KIAA1328: variants seen among roughly 807,000 people sequenced by gnomAD.
KIAA1328 encodes protein hinderin.
KIAA1328 carries 52 observed loss-of-function variants against 68.1 expected under a neutral mutation model. That is an observed-to-expected ratio of 0.76 (90% CI 0.61 to 0.96). The LOEUF (loss-of-function observed/expected upper bound fraction) is 0.96, where lower values mean the gene tolerates loss of function less well. Ranked by LOEUF, KIAA1328 falls within the 40% of genes least tolerant of loss-of-function variation. KIAA1328 has a pLI of 0.00. For synonymous variants in KIAA1328, 232 were observed against 239.4 expected, an observed-to-expected ratio of 0.97 and a Z score of 0.28; for missense variants, 641 against 677.6, an observed-to-expected ratio of 0.95 and a Z score of 0.60.
chr18:36,956,651 A>G (rs1404887047), intron 5 of KIAA1328, among the ~76,000 whole-genome samples: 2 of 152,108 alleles, frequency 1.3e-5, no homozygotes, highest in Non-Finnish European at 2.9e-5. Flanking sequence ...TGTTTAAATG[A>G]ATTTGCCTAT....
intron 7 of KIAA1328, among the ~76,000 whole-genome samples, chr18:37,091,103 T>C (rs1466072019): frequency 1.3e-5 from 2 of 152,172 alleles, no homozygotes; most frequent in Non-Finnish European, 2.9e-5. Context: ...TATAAAACCT[T>C]CTGCAACTAA....
chr18:37,045,852 A>C (rs985484538), intron 6 of KIAA1328, among the ~76,000 whole-genome samples: 1 of 152,226 alleles, frequency 6.6e-6, no homozygotes, highest in Non-Finnish European at 1.5e-5. Flanking sequence ...ACTTTGTAGT[A>C]TAACACATGT....
At chr18:37,073,849 G>A (rs771286666) in intron 7 of KIAA1328, among the ~76,000 whole-genome samples, 8 of 152,042 alleles carry the variant, frequency 5.3e-5, no homozygotes, top group East Asian at 1.9e-4. Context: ...TAATACCAAC[G>A]TTTATGTGAT....
At chr18:36,999,900 G>A (rs183981704) in intron 6 of KIAA1328, among the ~76,000 whole-genome samples, 8 of 151,768 alleles carry the variant, frequency 5.3e-5, no homozygotes, top group South Asian at 2.1e-4. Flanking sequence ...TACCACCACC[G>A]AAATCCACCA....
At chr18:37,147,896 C>T (rs1185585310) in intron 7 of KIAA1328, among the ~76,000 whole-genome samples, 1 of 152,056 alleles carries the variant, frequency 6.6e-6, no homozygotes, top group Non-Finnish European at 1.5e-5. Flanking sequence ...CATACACAAA[C>T]CTAGCCTATT....
Position 37,000,199 on chromosome 18 carries a change from G to A in KIAA1328, c.576+40764G>A, listed in dbSNP as rs563771931. ...ACAAACAGAAACCAAAAGTGAGCAG[G>A]AGTGGCTATACTTGTATCAGATAAA... On this transcript the variant is annotated intron_variant, in intron 6 of 9. Coordinates refer to ENST00000280020, the MANE Select transcript of KIAA1328 (RefSeq NM_020776.3). 1.2e-4 allele frequency among the ~76,000 whole-genome samples: 18 copies of A among 152,268 alleles called. No individual in the cohort carries two copies. The South Asian group carries it at 3.5e-3, about 30-fold the overall frequency.
At chr18:37,134,878 C>CTAGTGGTT (rs2058607873) in intron 7 of KIAA1328, among the ~76,000 whole-genome samples, 4 of 152,044 alleles carry the variant, frequency 2.6e-5, no homozygotes, top group Admixed American at 2.6e-4. Context: ...CTAGTAGTTC[C>CTAGTGGTT]CAGTGTCTAT....
chr18:37,111,844 G>A (rs759706231), intron 7 of KIAA1328, among the ~76,000 whole-genome samples: 13 of 152,178 alleles, frequency 8.5e-5, no homozygotes, highest in East Asian at 3.9e-4. Flanking sequence ...TTTCCCAACC[G>A]TCTTAGCAAA....
intron 9 of KIAA1328, among the ~76,000 whole-genome samples, chr18:37,197,364 A>G (rs1460782949): frequency 2.6e-5 from 4 of 152,088 alleles, no homozygotes; most frequent in African/African-American, 7.2e-5. Flanking sequence ...TAGGAGCAAC[A>G]TGAACAATGG....
chr18:37,209,412 C>T (rs2060273346), intron 9 of KIAA1328, among the ~76,000 whole-genome samples: 1 of 152,114 alleles, frequency 6.6e-6, no homozygotes, highest in South Asian at 2.1e-4. Context: ...AACGACCCTA[C>T]CCTTATGGAG....
chr18:37,161,061 A>G (rs2059268265), intron 8 of KIAA1328, among the ~76,000 whole-genome samples: 2 of 152,146 alleles, frequency 1.3e-5, no homozygotes, highest in South Asian at 2.1e-4. Context: ...TACAGAAAAG[A>G]TGTACAGGAA....
At chr18:37,039,701 A>G (rs322654) in intron 6 of KIAA1328, among the ~76,000 whole-genome samples, 111,383 of 152,120 alleles carry the variant, frequency 0.73, 43,935 homozygotes, top group South Asian at 0.89. Flanking sequence ...ATCAGCCACC[A>G]CACCCTGCCT....
intron 6 of KIAA1328, among the ~76,000 whole-genome samples, chr18:37,064,736 G>A (rs775275143): frequency 3.3e-5 from 5 of 152,092 alleles, no homozygotes; most frequent in Non-Finnish European, 7.3e-5. Context: ...AGAAGGCAGT[G>A]TGTGATGATG....
chr18:37,220,054 G>C (rs2060527813), intron 9 of KIAA1328, among the ~76,000 whole-genome samples: 1 of 152,180 alleles, frequency 6.6e-6, no homozygotes, highest in South Asian at 2.1e-4. Context: ...TATTTTGTAG[G>C]CTGTGCCAAC....
downstream of KIAA1328, chr18:37,229,574 C>T: frequency 7.8e-7 from 1 of 1,277,200 alleles, no homozygotes; most frequent in Non-Finnish European, 1.0e-6. Context: ...TCTAGTCAAT[C>T]TTCAAGAAGT....
intron 9 of KIAA1328, among the ~76,000 whole-genome samples, chr18:37,191,121 T>C (rs1250624172): frequency 6.6e-6 from 1 of 152,224 alleles, no homozygotes; most frequent in Non-Finnish European, 1.5e-5. Flanking sequence ...GGTTTCTCTG[T>C]TGACTCCCAT....
At chr18:37,111,039 G>T (rs1018966699) in intron 7 of KIAA1328, among the ~76,000 whole-genome samples, 2 of 152,128 alleles carry the variant, frequency 1.3e-5, no homozygotes, top group Admixed American at 1.3e-4. Flanking sequence ...TGAGCCCTGG[G>T]CTATTTGATG....
intron 6 of KIAA1328, among the ~76,000 whole-genome samples, chr18:36,978,986 C>T (rs1161802967): frequency 6.6e-6 from 1 of 152,022 alleles, no homozygotes; most frequent in Non-Finnish European, 1.5e-5. Flanking sequence ...ATAGCCAGAC[C>T]CCATCTCTAC....
intron 6 of KIAA1328, among the ~76,000 whole-genome samples, chr18:36,982,412 G>T (rs1317473549): frequency 6.6e-6 from 1 of 151,466 alleles, no homozygotes; most frequent in Non-Finnish European, 1.5e-5. Flanking sequence ...AATACATGTT[G>T]CATACAATGG....
Sources: allele counts gnomAD v4.1 joint callset (sites outside exome capture counted in the v4.1 genomes callset), GRCh38; gene constraint gnomAD v4.1.1; transcripts MANE v1.5; gene names NCBI Gene and HGNC (gene_info 2026-07-23, HGNC 2026-07-21).